Variants in EPHA5 observed in about 807,000 individuals in gnomAD.
EPHA5 encodes ephrin type-A receptor 5.
In EPHA5, 60 loss-of-function variants were observed where a neutral mutation model predicts 105.0. The ratio of observed to expected loss-of-function variants is 0.57; its 90% CI spans 0.46 to 0.71. The LOEUF (loss-of-function observed/expected upper bound fraction) is 0.71, where lower values mean the gene tolerates loss of function less well. Among genes scored for constraint, EPHA5 ranks in the 30% least tolerant of loss-of-function variants. The probability of loss-of-function intolerance (pLI) is 0.00; values close to 1 mark genes in which losing one functional copy is unlikely to be tolerated. For synonymous variants in EPHA5, 513 were observed against 449.1 expected (o/e 1.14, Z -1.80); for missense variants, 1,218 against 1,274.7 (o/e 0.96, Z 0.68).
At chr4:65,542,525 G>C (rs1736942805) in intron 3 of EPHA5, among the ~76,000 whole-genome samples, 1 of 151,844 alleles carries the variant, frequency 6.6e-6, no homozygotes, top group Admixed American at 6.6e-5. Flanking sequence ...AAACCACAAA[G>C]AAGTCGAATC....
chr4:65,420,423 T>C lies in EPHA5; in HGVS notation c.1527+18A>G, dbSNP rs1206295954. The C allele has an allele frequency of 7.8e-6, 12 of 1,546,442 alleles. No individual in the cohort carries two copies. Among genetic ancestry groups the C allele is most frequent in the Non-Finnish European group, 1.0e-5 (12 of 1,151,680 alleles). On this transcript the variant is annotated intron_variant, in intron 6 of 16. Transcript: ENST00000613740. ...AAAAAAAAGAAAGTGAGGACATTTT[T>C]TATTCTGTTAGTCTTACCTTTTCAA... is the stretch of plus-strand genomic sequence containing the variant.
intron 5 of EPHA5, among the ~76,000 whole-genome samples, chr4:65,426,699 G>A (rs973408510): frequency 6.6e-6 from 1 of 152,018 alleles, no homozygotes; most frequent in Non-Finnish European, 1.5e-5. Flanking sequence ...TTTTTAAGTC[G>A]AATCAATTAT....
chr4:65,516,609 G>A (rs1578309521), intron 3 of EPHA5, among the ~76,000 whole-genome samples: 1 of 151,904 alleles, frequency 6.6e-6, no homozygotes, highest in East Asian at 1.9e-4. Context: ...TTTCCTACTG[G>A]TTCTGTTTTT....
chr4:65,474,811 C>T (rs1407414629), intron 5 of EPHA5, among the ~76,000 whole-genome samples: 1 of 152,054 alleles, frequency 6.6e-6, no homozygotes, highest in Non-Finnish European at 1.5e-5. Flanking sequence ...TAAAATATTT[C>T]TTTACTCATT....
At chr4:65,470,838 T>G (rs1729216314) in intron 5 of EPHA5, among the ~76,000 whole-genome samples, 2 of 152,198 alleles carry the variant, frequency 1.3e-5, no homozygotes, top group South Asian at 4.1e-4. Flanking sequence ...ACTGTGTACT[T>G]CTATATTTGA....
At chr4:65,606,830 A>T (rs1027379184) in intron 2 of EPHA5, among the ~76,000 whole-genome samples, 2 of 152,302 alleles carry the variant, frequency 1.3e-5, no homozygotes, top group South Asian at 4.1e-4. Flanking sequence ...CGACCATCTT[A>T]GGGATTTCCT....
intron 1 of EPHA5, among the ~76,000 whole-genome samples, chr4:65,660,346 G>C (rs146361413): frequency 1.3e-5 from 2 of 152,062 alleles, no homozygotes; most frequent in Admixed American, 1.3e-4. Flanking sequence ...ATGTCATGTG[G>C]TTGGTTTTCA....
At chr4:65,382,497 A>G (rs990498661) in intron 8 of EPHA5, among the ~76,000 whole-genome samples, 2 of 152,006 alleles carry the variant, frequency 1.3e-5, no homozygotes, top group Non-Finnish European at 1.5e-5. Flanking sequence ...AATTTTATCA[A>G]ATATTAACCA....
intron 2 of EPHA5, among the ~76,000 whole-genome samples, chr4:65,620,946 G>T (rs1037546417): frequency 6.6e-6 from 1 of 152,080 alleles, no homozygotes; most frequent in African/African-American, 2.4e-5. Context: ...AGAAAGTGAG[G>T]ACTGAACATT....
chr4:65,537,172 AATAGG>A (rs1344125446), intron 3 of EPHA5, among the ~76,000 whole-genome samples: 1 of 151,820 alleles, frequency 6.6e-6, no homozygotes, highest in Non-Finnish European at 1.5e-5. Context: ...GTTGTAAGAA[AATAGG>A]ATATGGGCCA....
At position 65,397,583 on chromosome 4, in the gene EPHA5, C is replaced by A. The variant is rs547144447; in HGVS notation, c.1793+6791G>T. On this transcript the variant is annotated intron_variant, in intron 8 of 16. Coordinates refer to ENST00000613740, the MANE Select transcript of EPHA5 (RefSeq NM_001281766.3). ...CAGCTCTAGTCACAACATTCTTTTTCAAAATAGTCTACGTTTTAGATTTCT... is the reference window on the plus strand; with the variant it reads ...CAGCTCTAGTCACAACATTCTTTTTAAAAATAGTCTACGTTTTAGATTTCT... Among the ~76,000 whole-genome samples the A allele has an allele frequency of 2.0e-5, 3 of 151,602 alleles. No individual in the cohort carries two copies. The South Asian group carries it at 6.3e-4, about 32-fold the overall frequency.
At chr4:65,567,029 T>C (rs1198438109) in intron 3 of EPHA5, among the ~76,000 whole-genome samples, 1 of 151,600 alleles carries the variant, frequency 6.6e-6, no homozygotes, top group Non-Finnish European at 1.5e-5. Context: ...ATACAAACAC[T>C]CCACACTTTT....
At chr4:65,438,474 G>A (rs1395400969) in intron 5 of EPHA5, among the ~76,000 whole-genome samples, 1 of 151,620 alleles carries the variant, frequency 6.6e-6, no homozygotes, top group Non-Finnish European at 1.5e-5. Flanking sequence ...ATTTTCATAT[G>A]TTTTCATCTT....
chr4:65,504,590 T>C (rs781752986), intron 3 of EPHA5, among the ~76,000 whole-genome samples: 2 of 151,894 alleles, frequency 1.3e-5, no homozygotes, highest in African/African-American at 2.4e-5. Flanking sequence ...CATTCTGTAG[T>C]GATGTGATGG....
intron 2 of EPHA5, among the ~76,000 whole-genome samples, chr4:65,606,600 G>C (rs1744252988): frequency 6.6e-6 from 1 of 151,940 alleles, no homozygotes; most frequent in Non-Finnish European, 1.5e-5. Context: ...GTTTAGTTTT[G>C]CCTATTAACC....
At chr4:65,535,405 A>C (rs1303771164) in intron 3 of EPHA5, among the ~76,000 whole-genome samples, 1 of 152,130 alleles carries the variant, frequency 6.6e-6, no homozygotes, top group African/African-American at 2.4e-5. Context: ...ACGTAGTTGA[A>C]CAATTTTGGG....
intron 3 of EPHA5, among the ~76,000 whole-genome samples, chr4:65,498,702 C>T (rs1235131335): frequency 6.6e-6 from 1 of 151,694 alleles, no homozygotes; most frequent in Non-Finnish European, 1.5e-5. Context: ...ACAGAAAATA[C>T]TGGTGCCATT....
At chr4:65,593,713 G>A (rs771032751) in intron 3 of EPHA5, among the ~76,000 whole-genome samples, 1 of 152,142 alleles carries the variant, frequency 6.6e-6, no homozygotes, top group Non-Finnish European at 1.5e-5. Flanking sequence ...ATCTGGTTTT[G>A]TAACTTGACC....
At chr4:65,348,355 T>C (rs1231440982) in intron 13 of EPHA5, 152 bp from the exon 14 acceptor site, 2 of 686,002 alleles carry the variant, frequency 2.9e-6, no homozygotes, top group African/African-American at 3.7e-5. Context: ...TCTCAGCCCA[T>C]AAGCAGTTGT....
Sources: gnomAD v4.1 joint callset for allele counts (sites outside exome capture counted in the v4.1 genomes callset) on GRCh38, gnomAD v4.1.1 for gene constraint, MANE v1.5 for transcripts, NCBI Gene and HGNC (gene_info 2026-07-23, HGNC 2026-07-21) for gene names.